Variants in MCF2L2 observed in about 807,000 individuals in gnomAD.
MCF2L2 encodes the protein MCF.2 cell line derived transforming sequence-like 2.
Under a neutral mutation model 150.2 loss-of-function variants are expected in MCF2L2, and 102 were observed. That is an observed-to-expected ratio of 0.68 (90% CI 0.58 to 0.80). The LOEUF (loss-of-function observed/expected upper bound fraction) is 0.80. Among genes scored for constraint, MCF2L2 ranks in the 30% least tolerant of loss-of-function variants. The pLI is 0.00. For synonymous variants in MCF2L2, 465 were observed against 491.3 expected (o/e 0.95, Z 0.71); for missense variants, 1,256 against 1,372.8 (o/e 0.91, Z 1.34).
chr3:183,400,627 T>C (rs1714704017), intron 1 of MCF2L2: 3 of 350,330 alleles, frequency 8.6e-6, no homozygotes, highest in African/African-American at 4.2e-5. Flanking sequence ...GGCCGAGAGT[T>C]GATCCTTTTG....
chr3:183,268,577 AG>A (rs1726387383), intron 15 of MCF2L2, among the ~76,000 whole-genome samples: 1 of 152,342 alleles, frequency 6.6e-6, no homozygotes, highest in South Asian at 2.1e-4. Flanking sequence ...AAAGAGAAAC[AG>A]GAACAGCAGG....
chr3:183,356,185 A>AAT (rs1711768366), intron 3 of MCF2L2, among the ~76,000 whole-genome samples: 1 of 149,314 alleles, frequency 6.7e-6, no homozygotes, highest in South Asian at 2.1e-4. Flanking sequence ...AAAAAAAAAA[A>AAT]CTCTGCCTCT....
chr3:183,349,201 T>C (rs1042368704), intron 3 of MCF2L2, among the ~76,000 whole-genome samples: 2 of 152,230 alleles, frequency 1.3e-5, no homozygotes, highest in Non-Finnish European at 2.9e-5. Flanking sequence ...TGGTTCTTTT[T>C]ATTTTCCTTT....
intron 3 of MCF2L2, chr3:183,376,040 G>A (rs559895331): frequency 1.3e-5 from 2 of 151,862 alleles, no homozygotes; most frequent in Non-Finnish European, 2.9e-5. Flanking sequence ...GAAGAAAGGC[G>A]AGGGGAAGAA....
chr3:183,383,777 A>AC (rs1713672570), intron 2 of MCF2L2, among the ~76,000 whole-genome samples: 1 of 151,960 alleles, frequency 6.6e-6, no homozygotes, highest in Non-Finnish European at 1.5e-5. Flanking sequence ...TTATTTTTTA[A>AC]TTTTTAAAAA....
Position 183,178,552 on chromosome 3 carries a change from T to C in MCF2L2, c.*828A>G, listed in dbSNP as rs1721393360. 6.6e-6 allele frequency: 1 copy of C among 151,884 alleles called. No individual in the cohort carries two copies. Among genetic ancestry groups the C allele is most frequent in the Non-Finnish European group, 1.5e-5 (1 of 67,976 alleles). The allele number at this position is 151,884 out of a possible 1,614,324, so 9.4% of individuals were successfully genotyped here. The stretch of plus-strand genomic sequence containing the variant: ...ACTCCTAAAACAAAACAACTACATA[T>C]AAATAACTGAAAATGAACAACTAAA... On this transcript the variant is annotated 3_prime_UTR_variant, in exon 30 of 30. Coordinates refer to ENST00000328913, the MANE Select transcript of MCF2L2 (RefSeq NM_015078.4).
At chr3:183,348,408 C>T (rs1383298568) in intron 3 of MCF2L2, among the ~76,000 whole-genome samples, 1 of 21,764 alleles carries the variant, frequency 4.6e-5, no homozygotes, top group African/African-American at 3.7e-4. Flanking sequence ...GTCAGTGGGT[C>T]GGGGGTCGGG....
rs1187202933 is a variant in MCF2L2 at position 183,351,234 on chromosome 3, A to ATATTTATT, written c.276-9612_276-9605dup. On this transcript the variant is annotated intron_variant, in intron 3 of 29. Coordinates refer to ENST00000328913, the MANE Select transcript of MCF2L2 (RefSeq NM_015078.4). The stretch of plus-strand genomic sequence containing the variant: ...TATATATATATATATATATATATAT[A>ATATTTATT]TATTTATTTATTTATTTATCAGAAC... Among the ~76,000 whole-genome samples the ATATTTATT allele has an allele frequency of 5.2e-3, 313 of 60,350 alleles. 6 individuals carry two copies. The highest frequency in any genetic ancestry group is 6.1e-3 in the Non-Finnish European group (209 of 34,456). 39.6% of individuals were successfully genotyped at this position (60,350 alleles called of 152,430 possible).
At chr3:183,350,656 G>A (rs1311235721) in intron 3 of MCF2L2, among the ~76,000 whole-genome samples, 1 of 152,170 alleles carries the variant, frequency 6.6e-6, no homozygotes, top group Non-Finnish European at 1.5e-5. Flanking sequence ...TGTAATCCCA[G>A]CACTTTGGGA....
rs774515224 is a variant in MCF2L2, at chr3:183,206,221, T to A, written c.2713-7A>T. The A allele has an allele frequency of 1.3e-5, 21 of 1,604,878 alleles. No individual in the cohort carries two copies. Among genetic ancestry groups the A allele is most frequent in the African/African-American group, 1.2e-4 (9 of 74,738 alleles). On this transcript the variant is annotated splice_polypyrimidine_tract_variant and splice_region_variant and intron_variant, in intron 23 of 29. Transcript: ENST00000328913. ...GAATTGAAAGTGTCATCAGCTATTA[T>A]AAAGAGGGAAGAGAAATGTTCTATA...
intron 7 of MCF2L2, among the ~76,000 whole-genome samples, chr3:183,316,692 TTC>T (rs10559956): frequency 0.031 from 4,649 of 151,186 alleles, 245 homozygotes; most frequent in African/African-American, 0.11. Context: ...AATATATTTT[TTC>T]TCTTTTGTTG....
At chr3:183,195,136 A>G in intron 26 of MCF2L2, 86 bp downstream of exon 26, 1 of 1,103,046 alleles carries the variant, frequency 9.1e-7, no homozygotes, top group South Asian at 1.5e-5. Context: ...TTGGGGGAAG[A>G]AAAGCAATAA....
At chr3:183,338,131 A>G (rs530329561) in intron 5 of MCF2L2, among the ~76,000 whole-genome samples, 1 of 152,034 alleles carries the variant, frequency 6.6e-6, no homozygotes, top group South Asian at 2.1e-4. Context: ...GACTAATTTT[A>G]CCATGTCACT....
At chr3:183,392,741 TGTG>T (rs980966159) in intron 1 of MCF2L2, among the ~76,000 whole-genome samples, 7 of 152,190 alleles carry the variant, frequency 4.6e-5, no homozygotes, top group Non-Finnish European at 1.0e-4. Context: ...GCCTGACACT[TGTG>T]GTCCTGTTGG....
intron 6 of MCF2L2, among the ~76,000 whole-genome samples, chr3:183,321,193 T>C (rs1333195142): frequency 6.6e-6 from 1 of 152,074 alleles, no homozygotes; most frequent in East Asian, 1.9e-4. Flanking sequence ...ATCCCAGCAC[T>C]TTGGGAGGCC....
chr3:183,410,692 A>C (rs1032218118), intron 1 of MCF2L2, among the ~76,000 whole-genome samples: 2 of 152,230 alleles, frequency 1.3e-5, no homozygotes, highest in African/African-American at 4.8e-5. Context: ...AAACCGTCTA[A>C]GTATTTTACA....
intron 15 of MCF2L2, among the ~76,000 whole-genome samples, chr3:183,249,592 C>A (rs899012040): frequency 6.6e-6 from 1 of 152,214 alleles, no homozygotes; most frequent in Non-Finnish European, 1.5e-5. Context: ...CTTGTGCTGT[C>A]AGTTCCCTTC....
Position 183,357,646 on chromosome 3 carries a change from T to A in MCF2L2, c.276-16016A>T, listed in dbSNP as rs115135335. ...AAAAGACTGTCCGGCCCTGTTCAGC[T>A]GCAGTGTATCTTTTCCATGCACACC... On this transcript the variant is annotated intron_variant, in intron 3 of 29. Transcript: ENST00000328913. Among the ~76,000 whole-genome samples, 511 of 152,268 alleles carry A rather than the reference T, an allele frequency of 3.4e-3. 1 individual carries two copies. Among genetic ancestry groups the A allele is most frequent in the Middle Eastern group, 0.017 (5 of 294 alleles).
chr3:183,330,716 G>T (rs1730238446), intron 5 of MCF2L2, among the ~76,000 whole-genome samples: 1 of 151,854 alleles, frequency 6.6e-6, no homozygotes, highest in African/African-American at 2.4e-5. Flanking sequence ...ATCTTTACAG[G>T]ATAGAAATGT....
Sources: allele counts gnomAD v4.1 joint callset (sites outside exome capture counted in the v4.1 genomes callset), GRCh38; gene constraint gnomAD v4.1.1; transcripts MANE v1.5; gene names NCBI Gene and HGNC (gene_info 2026-07-23, HGNC 2026-07-21).